The following AGFG2 variants were observed in gnomAD, a reference collection of about 807,000 sequenced individuals.
AGFG2 encodes the protein arf-GAP domain and FG repeat-containing protein 2.
In AGFG2, 31 loss-of-function variants were observed where a neutral mutation model predicts 48.0. That is an observed-to-expected ratio of 0.65 (90% CI 0.49 to 0.87). The LOEUF (loss-of-function observed/expected upper bound fraction) is 0.87. Ranked by LOEUF, AGFG2 falls within the 40% of genes least tolerant of loss-of-function variation. The pLI is 0.00. For missense variants in AGFG2, 599 were observed against 632.6 expected, an observed-to-expected ratio of 0.95 and a Z score of 0.57; for synonymous variants, 229 against 260.8, an observed-to-expected ratio of 0.88 and a Z score of 1.18.
At chr7:100,558,602 C>T (rs977240415) in intron 6 of AGFG2, among the ~76,000 whole-genome samples, 2 of 149,836 alleles carry the variant, frequency 1.3e-5, no homozygotes, top group African/African-American at 2.5e-5. Context: ...GGTGTAGTGG[C>T]ACAATCTCGG....
chr7:100,562,751 G>C lies in AGFG2; in HGVS notation c.1087+69G>C. ...AGGAGGAGTCTAAGGACTCTGGACA[G>C]GGTGGGAAGGGGAGAGATTGAGAGG... is the stretch of plus-strand genomic sequence containing the variant. On this transcript the variant is annotated intron_variant, in intron 8 of 11. Coordinates refer to ENST00000300176, the MANE Select transcript of AGFG2 (RefSeq NM_006076.5). The surrounding 1 kb of genome is among the most constrained non-coding windows in gnomAD (Gnocchi z 5.4). 1 of 1,590,638 alleles carries C rather than the reference G, an allele frequency of 6.3e-7. No homozygotes were observed. Among genetic ancestry groups the C allele is most frequent in the Non-Finnish European group, 8.6e-7 (1 of 1,166,540 alleles).
rs547402034 is a variant in AGFG2, at chr7:100,557,183, G to A, written c.877+1448G>A. On this transcript the variant is annotated intron_variant, in intron 6 of 11. Transcript: ENST00000300176. ...ACTGCACTCCAGCCTGAGTGACAGA[G>A]TAAGACTCTTGTCTCAAAAAAAAAA... is the stretch of plus-strand genomic sequence containing the variant. Among the ~76,000 whole-genome samples, 4 of 149,684 alleles carry A rather than the reference G, an allele frequency of 2.7e-5. No individual in the cohort carries two copies. In the South Asian group the frequency reaches 8.5e-4, roughly 32 times the overall value.
chr7:100,548,296 T>G (rs1340972929), intron 1 of AGFG2, among the ~76,000 whole-genome samples: 1 of 151,786 alleles, frequency 6.6e-6, no homozygotes, highest in Non-Finnish European at 1.5e-5. Context: ...CTTTGGAGAT[T>G]CTTTTTTTTG....
At chr7:100,558,781 G>T (rs1800809742) in intron 6 of AGFG2, among the ~76,000 whole-genome samples, 1 of 152,076 alleles carries the variant, frequency 6.6e-6, no homozygotes, top group Non-Finnish European at 1.5e-5. Context: ...AGAGAAGGAA[G>T]GGCTCAGCTC....
chr7:100,554,728 A>G (rs1436011999), intron 5 of AGFG2, among the ~76,000 whole-genome samples: 1 of 152,052 alleles, frequency 6.6e-6, no homozygotes, highest in African/African-American at 2.4e-5. Flanking sequence ...TGAGGTCAGG[A>G]GTTCAAGACC....
rs1047281267 is a variant in AGFG2, at chr7:100,539,714, T to C, written c.221+147T>C. The C allele has an allele frequency of 2.2e-5, 13 of 593,868 alleles. No individual in the cohort carries two copies. In the African/African-American group the frequency reaches 2.6e-4, roughly 12 times the overall value. 36.8% of individuals were successfully genotyped at this position (593,868 alleles called of 1,614,324 possible). ...GAACGCGCCGGCTGTGGGGACGGGG[T>C]CGTCTGCTGCAGCGGTGTGGTGGGG... is the stretch of plus-strand genomic sequence containing the variant. On this transcript the variant is annotated intron_variant, in intron 1 of 11. Transcript: ENST00000300176.
chr7:100,545,885 C>T (rs925254111), intron 1 of AGFG2, among the ~76,000 whole-genome samples: 5 of 152,142 alleles, frequency 3.3e-5, no homozygotes, highest in Admixed American at 3.3e-4. Flanking sequence ...TTTTGGCCAG[C>T]AGTGGCCTCT....
At chr7:100,547,897 CCCA>C (rs1800544073) in intron 1 of AGFG2, among the ~76,000 whole-genome samples, 2 of 152,318 alleles carry the variant, frequency 1.3e-5, no homozygotes, top group Admixed American at 6.5e-5. Flanking sequence ...CCCTCTCCAT[CCCA>C]CCACCACTCC....
At chr7:100,540,628 ATC>A (rs1347452509) in intron 1 of AGFG2, among the ~76,000 whole-genome samples, 3 of 152,138 alleles carry the variant, frequency 2.0e-5, no homozygotes, top group Admixed American at 6.6e-5. Context: ...TCAGGCCTGG[ATC>A]TCTGTTTTTT....
chr7:100,549,040 T>G, intron 2 of AGFG2, 125 bp downstream of exon 2: 1 of 731,536 alleles, frequency 1.4e-6, no homozygotes, highest in Admixed American at 2.4e-5. Flanking sequence ...TTCATATGTA[T>G]GATTTCTTTC....
chr7:100,565,249 G>C lies in AGFG2; in HGVS notation c.*258G>C, dbSNP rs1800981914. On this transcript the variant is annotated 3_prime_UTR_variant, in exon 12 of 12. Coordinates refer to ENST00000300176, the MANE Select transcript of AGFG2 (RefSeq NM_006076.5). ...GGCCTGACCTGGAGGAGTGATGGTT[G>C]AGGGGGAGGGATTTTTTTCAAATGA... is the stretch of plus-strand genomic sequence containing the variant. 7.1e-6 allele frequency: 4 copies of C among 564,642 alleles called. No homozygotes were observed. Among genetic ancestry groups the C allele is most frequent in the Non-Finnish European group, 3.2e-6 (1 of 315,016 alleles). The allele number at this position is 564,642 out of a possible 1,614,324, so 35.0% of individuals were successfully genotyped here. A position where few individuals can be genotyped will look rare whatever the true frequency, so the allele number is the denominator to read the frequency against.
At position 100,562,983 on chromosome 7, in the gene AGFG2, G is replaced by A; in HGVS notation, c.1171+37G>A. On this transcript the variant is annotated intron_variant, in intron 9 of 11. Transcript: ENST00000300176. This position sits in a 1 kb window ranked among gnomAD's most constrained non-coding sequence, Gnocchi z 5.4. ...GCATGGTCCCTTGTCCTGACCATCTGAGACTTCCAAGGCACACATTACCCT... is the reference window on the plus strand; with the variant it reads ...GCATGGTCCCTTGTCCTGACCATCTAAGACTTCCAAGGCACACATTACCCT... 6.4e-7 allele frequency: 1 copy of A among 1,572,322 alleles called. No homozygotes were observed. Among genetic ancestry groups the A allele is most frequent in the Non-Finnish European group, 8.7e-7 (1 of 1,145,698 alleles).
intron 1 of AGFG2, among the ~76,000 whole-genome samples, chr7:100,546,311 C>T (rs763093032): frequency 1.2e-4 from 19 of 152,122 alleles, no homozygotes; most frequent in Non-Finnish European, 1.9e-4. Flanking sequence ...GTTTACAGTT[C>T]GCTAACAGTT....
intron 6 of AGFG2, among the ~76,000 whole-genome samples, chr7:100,561,127 CT>C (rs76456752): frequency 0.02 from 2,543 of 125,024 alleles, 65 homozygotes; most frequent in African/African-American, 0.059. Context: ...CCAGATCTCC[CT>C]TTTTTTTTTT....
At chr7:100,552,479 A>G (rs1226979965) in intron 3 of AGFG2, among the ~76,000 whole-genome samples, 1 of 152,234 alleles carries the variant, frequency 6.6e-6, no homozygotes, top group African/African-American at 2.4e-5. Context: ...ACCATGGGAC[A>G]ACTATATTTT....
chr7:100,553,984 C>G, intron 4 of AGFG2, 109 bp from the exon 5 acceptor site: 7 of 1,327,094 alleles, frequency 5.3e-6, no homozygotes, highest in Non-Finnish European at 7.2e-6. Context: ...GGCAGTTACT[C>G]ACTGTCTTCT....
At chr7:100,556,462 C>A in intron 6 of AGFG2, 1 of 644,878 alleles carries the variant, frequency 1.6e-6, no homozygotes, top group Non-Finnish European at 2.2e-6. Flanking sequence ...TGCCATTGGA[C>A]ATCCTGGACA....
Position 100,562,177 on chromosome 7 carries a change from A to ACCACCACCTCC in AGFG2, c.878-81_878-71dup. Reference sequence around the variant, plus strand: ...CATGCCATGACTCCAATCCATCACCACCACCACCTCCATCTGCTCTCCTGC... The same window carrying ACCACCACCTCC: ...CATGCCATGACTCCAATCCATCACCACCACCACCTCCCCACCACCTCCATCTGCTCTCCTGC... On this transcript the variant is annotated intron_variant, in intron 6 of 11. Coordinates refer to ENST00000300176, the MANE Select transcript of AGFG2 (RefSeq NM_006076.5). The surrounding 1 kb of genome is among the most constrained non-coding windows in gnomAD (Gnocchi z 5.4). The ACCACCACCTCC allele has an allele frequency of 6.5e-7, 1 of 1,539,444 alleles. No homozygotes were observed. Among genetic ancestry groups the ACCACCACCTCC allele is most frequent in the Non-Finnish European group, 8.8e-7 (1 of 1,136,560 alleles).
At position 100,566,416 on chromosome 7, in the gene AGFG2, G is replaced by A. The variant is rs962540566; in HGVS notation, c.*1425G>A. On this transcript the variant is annotated 3_prime_UTR_variant, in exon 12 of 12. Transcript: ENST00000300176. ...GTGACAAGACAGACCTGGTCAGGGG[G>A]TGGGTGGCAAACACCTCACCTGGCT... 1 of 152,280 alleles carries A rather than the reference G, an allele frequency of 6.6e-6. No individual in the cohort carries two copies. Among genetic ancestry groups the A allele is most frequent in the African/African-American group, 2.4e-5 (1 of 41,468 alleles). 9.4% of individuals were successfully genotyped at this position (152,280 alleles called of 1,614,324 possible).
Sources: gnomAD v4.1 joint callset for allele counts (sites outside exome capture counted in the v4.1 genomes callset) on GRCh38, gnomAD v4.1.1 for gene constraint, Gnocchi (gnomAD v3.1) non-coding constraint, MANE v1.5 for transcripts, NCBI Gene and HGNC (gene_info 2026-07-23, HGNC 2026-07-21) for gene names.